SYNDIG1L: variants seen among roughly 807,000 people sequenced by gnomAD.
SYNDIG1L encodes the protein synapse differentiation inducing 1 like.
Under a neutral mutation model 20.1 loss-of-function variants are expected in SYNDIG1L, and 13 were observed. The ratio of observed to expected loss-of-function variants is 0.65; its 90% CI spans 0.42 to 1.03. The LOEUF is 1.03. Among genes scored for constraint, SYNDIG1L ranks in the 50% least tolerant of loss-of-function variants. The pLI, the probability that SYNDIG1L is intolerant of heterozygous loss-of-function variation, is 0.00. For missense variants in SYNDIG1L, 294 were observed against 305.1 expected (o/e 0.96, Z 0.27); for synonymous variants, 128 against 129.3 (o/e 0.99, Z 0.07).
the SYNDIG1L span, chr14:74,476,672 C>T: frequency 8.9e-7 from 1 of 1,129,820 alleles, no homozygotes; most frequent in East Asian, 2.6e-5. Flanking sequence ...ACATTGCCCA[C>T]CCTCTTCCAG....
At chr14:74,447,675 T>C in the SYNDIG1L span, among the ~76,000 whole-genome samples, 1 of 151,828 alleles carries the variant, frequency 6.6e-6, no homozygotes, top group Non-Finnish European at 1.5e-5. Flanking sequence ...TTTACAACAA[T>C]TGATAAATTA....
the SYNDIG1L span, among the ~76,000 whole-genome samples, chr14:74,435,568 CA>C: frequency 6.6e-6 from 1 of 152,178 alleles, no homozygotes; most frequent in East Asian, 1.9e-4. Context: ...TTTGTGTTTT[CA>C]AAGTGCTTGC....
At chr14:74,413,624 T>C (rs1011066438) in intron 1 of SYNDIG1L, among the ~76,000 whole-genome samples, 2 of 152,006 alleles carry the variant, frequency 1.3e-5, no homozygotes, top group East Asian at 3.9e-4. Flanking sequence ...ACAATGAGCA[T>C]GTACTACTTT....
chr14:74,410,157 C>T (rs2086120344), intron 1 of SYNDIG1L, among the ~76,000 whole-genome samples: 1 of 152,224 alleles, frequency 6.6e-6, no homozygotes, highest in African/African-American at 2.4e-5. Context: ...CTTCACAAAA[C>T]TTCCAGTCTG....
At chr14:74,418,592 C>A (rs1481538128) in intron 1 of SYNDIG1L, among the ~76,000 whole-genome samples, 2 of 152,208 alleles carry the variant, frequency 1.3e-5, no homozygotes, top group Non-Finnish European at 2.9e-5. Context: ...GGGCTTGCAA[C>A]TGCTTCAACC....
chr14:74,479,976 A>C, the SYNDIG1L span: 1 of 1,357,420 alleles, frequency 7.4e-7, no homozygotes, highest in Non-Finnish European at 9.5e-7. Flanking sequence ...TATTTATTCA[A>C]GAGTAAATTT....
the SYNDIG1L span, chr14:74,476,429 T>C: frequency 2.7e-5 from 29 of 1,056,996 alleles, no homozygotes; most frequent in Non-Finnish European, 3.7e-5. Flanking sequence ...GACGGCCTGC[T>C]AGAAGGGAGC....
chr14:74,469,670 T>C, the SYNDIG1L span, among the ~76,000 whole-genome samples: 1 of 152,212 alleles, frequency 6.6e-6, no homozygotes, highest in Non-Finnish European at 1.5e-5. Flanking sequence ...TCCCTGCTCA[T>C]TGCTAAGGGA....
At position 74,409,680 on chromosome 14, in the gene SYNDIG1L, G is replaced by C. The variant is rs377236857; in HGVS notation, c.65C>G (p.Pro22Arg). 3 of 1,485,698 alleles carry C rather than the reference G, an allele frequency of 2.0e-6. No individual in the cohort carries two copies. The African/African-American group carries it at 4.2e-5, about 21-fold the overall frequency. The allele number at this position is 1,485,698 out of a possible 1,614,324, so 92.0% of individuals were successfully genotyped here. ...LPRSPAHLHG[P>R]YPYPETPPSW... is the part of the protein sequence containing the mutation. ...GGGTGGGGTCTCCGGGTAGGGATAG[G>C]GGCCATGGAGATGGGCAGGGCTCCT... The change falls in exon 2 of 4, where the codon CCC becomes CGC. Residue 22 changes from proline to arginine, a missense_variant. Transcript: ENST00000331628.
At chr14:74,458,590 C>T in the SYNDIG1L span, among the ~76,000 whole-genome samples, 18 of 147,570 alleles carry the variant, frequency 1.2e-4, no homozygotes, top group African/African-American at 4.6e-4. Flanking sequence ...CCATTGCACT[C>T]CAGCCCAGGT....
chr14:74,422,718 CTT>C (rs59543139), intron 1 of SYNDIG1L, among the ~76,000 whole-genome samples: 4 of 141,344 alleles, frequency 2.8e-5, no homozygotes, highest in Admixed American at 7.1e-5. Context: ...TCCTTTCTCT[CTT>C]TTTTTTTTTT....
the SYNDIG1L span, among the ~76,000 whole-genome samples, chr14:74,477,039 AACACACACACACAC>A: frequency 1.3e-3 from 131 of 97,066 alleles, 3 homozygotes; most frequent in African/African-American, 5.4e-3. Context: ...CCCCATTCCC[AACACACACACACAC>A]ACACACACAC....
chr14:74,456,682 G>A, the SYNDIG1L span, among the ~76,000 whole-genome samples: 2 of 152,262 alleles, frequency 1.3e-5, no homozygotes, highest in South Asian at 2.1e-4. Context: ...CTGGGGGTGG[G>A]GGTTATGCAG....
chr14:74,408,039 A>G (rs750822393), intron 2 of SYNDIG1L, 50 bp from the exon 3 acceptor site: 2 of 1,540,020 alleles, frequency 1.3e-6, no homozygotes, highest in Non-Finnish European at 1.7e-6. Flanking sequence ...GCCCAGCCCC[A>G]TCAGGCTGGC....
At chr14:74,466,803 G>A in the SYNDIG1L span, among the ~76,000 whole-genome samples, 6 of 152,330 alleles carry the variant, frequency 3.9e-5, no homozygotes, top group African/African-American at 1.4e-4. Context: ...AACCTTAAAG[G>A]TTTCTTCTGA....
chr14:74,467,915 C>T, the SYNDIG1L span, among the ~76,000 whole-genome samples: 1 of 151,860 alleles, frequency 6.6e-6, no homozygotes, highest in South Asian at 2.1e-4. Flanking sequence ...TGGCAGGACC[C>T]CATGGCACAG....
the SYNDIG1L span, chr14:74,476,353 G>A: frequency 1.4e-6 from 1 of 689,894 alleles, no homozygotes. Flanking sequence ...CTTACCCACT[G>A]GCAGTCAGAG....
At chr14:74,414,704 C>T (rs769354412) in intron 1 of SYNDIG1L, among the ~76,000 whole-genome samples, 1 of 152,188 alleles carries the variant, frequency 6.6e-6, no homozygotes, top group Non-Finnish European at 1.5e-5. Context: ...GAATAACTTA[C>T]ACTTACTGAG....
intron 1 of SYNDIG1L, among the ~76,000 whole-genome samples, chr14:74,414,809 A>G (rs2086161779): frequency 6.6e-6 from 1 of 152,132 alleles, no homozygotes; most frequent in South Asian, 2.1e-4. Context: ...CTCCTTTTTC[A>G]GCTGGGGCAG....
Sources: gnomAD v4.1 joint callset for allele counts (sites outside exome capture counted in the v4.1 genomes callset) on GRCh38, gnomAD v4.1.1 for gene constraint, MANE v1.5 for transcripts, NCBI Gene and HGNC (gene_info 2026-07-23, HGNC 2026-07-21) for gene names.